Variants in CNTNAP2 observed in about 807,000 individuals in gnomAD.
The protein encoded by CNTNAP2 is contactin associated protein 2, also known as contactin-associated protein-like 2.
A neutral mutation model predicts 155.2 loss-of-function variants in CNTNAP2; 98 were observed. The observed-to-expected ratio is 0.63, with a 90% CI of 0.54 to 0.75. The LOEUF (loss-of-function observed/expected upper bound fraction) is 0.75. Ranked by LOEUF, CNTNAP2 falls within the 30% of genes least tolerant of loss-of-function variation. The pLI, the probability that CNTNAP2 is intolerant of heterozygous loss-of-function variation, is 0.00. For missense variants in CNTNAP2, 1,727 were observed against 1,688.1 expected (o/e 1.02, Z -0.40); for synonymous variants, 651 against 631.2 (o/e 1.03, Z -0.47).
At chr7:148,253,337 C>T (rs1796403715) in intron 20 of CNTNAP2, among the ~76,000 whole-genome samples, 1 of 152,164 alleles carries the variant, frequency 6.6e-6, no homozygotes, top group Non-Finnish European at 1.5e-5. Context: ...CTTCAAAACG[C>T]CTCCACTCTG....
chr7:146,675,390 A>T (rs1800381095), intron 1 of CNTNAP2, among the ~76,000 whole-genome samples: 1 of 152,176 alleles, frequency 6.6e-6, no homozygotes, highest in Non-Finnish European at 1.5e-5. Context: ...AACATTTAGG[A>T]GCATGGGCTA....
intron 7 of CNTNAP2, among the ~76,000 whole-genome samples, chr7:147,130,765 G>T (rs567643499): frequency 6.6e-6 from 1 of 152,114 alleles, no homozygotes; most frequent in South Asian, 2.1e-4. Context: ...CCCTCATTAT[G>T]CATTGACTCC....
intron 11 of CNTNAP2, among the ~76,000 whole-genome samples, chr7:147,521,542 G>A (rs1467474338): frequency 1.3e-5 from 2 of 152,208 alleles, no homozygotes; most frequent in African/African-American, 4.8e-5. Flanking sequence ...GCCCCAAGGT[G>A]TTTCCCATGT....
chr7:148,354,525 T>C (rs1798479061), intron 21 of CNTNAP2, among the ~76,000 whole-genome samples: 1 of 151,948 alleles, frequency 6.6e-6, no homozygotes, highest in Admixed American at 6.6e-5. Context: ...GCCTCCTCCC[T>C]CCACACCCAT....
chr7:146,853,604 A>G (rs1011949995), intron 3 of CNTNAP2, among the ~76,000 whole-genome samples: 1 of 152,166 alleles, frequency 6.6e-6, no homozygotes, highest in Admixed American at 6.5e-5. Context: ...TTTTTGTGTC[A>G]ATTACTGTAA....
chr7:148,210,219 A>G (rs1216310250), intron 18 of CNTNAP2, among the ~76,000 whole-genome samples: 1 of 152,224 alleles, frequency 6.6e-6, no homozygotes, highest in East Asian at 1.9e-4. Flanking sequence ...TGGCAAAGCC[A>G]GGGCTGCAAT....
chr7:146,655,622 T>A (rs2129164835), intron 1 of CNTNAP2, among the ~76,000 whole-genome samples: 1 of 152,128 alleles, frequency 6.6e-6, no homozygotes, highest in South Asian at 2.1e-4. Flanking sequence ...ATACAGTAAA[T>A]AATTGATCTC....
chr7:146,534,245 T>C (rs1296132958), intron 1 of CNTNAP2, among the ~76,000 whole-genome samples: 1 of 152,118 alleles, frequency 6.6e-6, no homozygotes, highest in Non-Finnish European at 1.5e-5. Flanking sequence ...GATTTTTTTC[T>C]GTGGATACTT....
chr7:146,662,580 A>G (rs139984626), intron 1 of CNTNAP2, among the ~76,000 whole-genome samples: 1 of 152,210 alleles, frequency 6.6e-6, no homozygotes, highest in East Asian at 1.9e-4. Flanking sequence ...TATTTTTTAT[A>G]TTTTAACAGG....
At position 147,498,142 on chromosome 7, in the gene CNTNAP2, A is replaced by G. The variant is rs75930194; in HGVS notation, c.1777+12101A>G. 8.2e-3 allele frequency among the ~76,000 whole-genome samples: 1,241 copies of G among 150,518 alleles called. 17 individuals carry two copies. Among genetic ancestry groups the G allele is most frequent in the African/African-American group, 0.028 (1,161 of 40,750 alleles). Reference sequence around the variant, plus strand: ...ATAGGTGTCTACTCCTGTGTGTTACAGCACCTGATGGGAAAGCCCAAGCTA... The same window carrying G: ...ATAGGTGTCTACTCCTGTGTGTTACGGCACCTGATGGGAAAGCCCAAGCTA... On this transcript the variant is annotated intron_variant, in intron 11 of 23. Transcript: ENST00000361727.
intron 2 of CNTNAP2, among the ~76,000 whole-genome samples, chr7:146,796,030 A>G (rs1802762387): frequency 2.0e-5 from 3 of 152,262 alleles, no homozygotes; most frequent in Admixed American, 2.0e-4. Flanking sequence ...TGATTAAAAT[A>G]AGTCATAGAA....
intron 21 of CNTNAP2, among the ~76,000 whole-genome samples, chr7:148,379,352 G>C (rs1799000722): frequency 6.6e-6 from 1 of 152,034 alleles, no homozygotes; most frequent in African/African-American, 2.4e-5. Context: ...AGAAGATATA[G>C]GTGCATTTAA....
chr7:146,589,713 G>A (rs1353214699), intron 1 of CNTNAP2, among the ~76,000 whole-genome samples: 4 of 150,936 alleles, frequency 2.7e-5, no homozygotes, highest in Non-Finnish European at 5.9e-5. Flanking sequence ...AAACCTGCAC[G>A]TTCTGCACAT....
chr7:146,489,997 A>T (rs1797115349), intron 1 of CNTNAP2, among the ~76,000 whole-genome samples: 1 of 152,144 alleles, frequency 6.6e-6, no homozygotes, highest in Admixed American at 6.5e-5. Flanking sequence ...ATGGGTAGGG[A>T]TCAATCAGAA....
At chr7:146,871,983 G>C (rs897970682) in intron 3 of CNTNAP2, among the ~76,000 whole-genome samples, 12 of 151,766 alleles carry the variant, frequency 7.9e-5, no homozygotes, top group Non-Finnish European at 2.9e-5. Context: ...AAAGTTCATT[G>C]ACATTCTCAT....
intron 1 of CNTNAP2, among the ~76,000 whole-genome samples, chr7:146,208,116 A>T (rs1169711053): frequency 6.6e-6 from 1 of 152,016 alleles, no homozygotes; most frequent in African/African-American, 2.4e-5. Flanking sequence ...ACTATATATG[A>T]CTTTAGCAGA....
intron 1 of CNTNAP2, among the ~76,000 whole-genome samples, chr7:146,761,917 A>G (rs1281561230): frequency 6.6e-6 from 1 of 152,166 alleles, no homozygotes; most frequent in African/African-American, 2.4e-5. Flanking sequence ...TATTTTTCAA[A>G]TCGCCACTTC....
At chr7:146,936,645 T>C (rs377114200) in intron 3 of CNTNAP2, among the ~76,000 whole-genome samples, 8 of 152,144 alleles carry the variant, frequency 5.3e-5, no homozygotes, top group Admixed American at 3.9e-4. Context: ...GTAGACAAGA[T>C]TGAAAACCTG....
intron 14 of CNTNAP2, among the ~76,000 whole-genome samples, chr7:147,914,542 C>T (rs75984445): frequency 7.1e-6 from 1 of 140,254 alleles, no homozygotes. Context: ...CTCCATCTAA[C>T]CAAAAAAAAA....
Sources: gnomAD v4.1 joint callset for allele counts (sites outside exome capture counted in the v4.1 genomes callset) on GRCh38, gnomAD v4.1.1 for gene constraint, MANE v1.5 for transcripts, NCBI Gene and HGNC (gene_info 2026-07-23, HGNC 2026-07-21) for gene names.